The following LSAMP variants were observed in gnomAD, a reference collection of about 807,000 sequenced individuals.
LSAMP encodes the protein limbic system associated membrane protein, also known as limbic system-associated membrane protein.
In LSAMP, 7 loss-of-function variants were observed where a neutral mutation model predicts 38.6. The ratio of observed to expected loss-of-function variants is 0.18; its 90% CI spans 0.10 to 0.34. The LOEUF is 0.34. Ranked by LOEUF, LSAMP falls within the 10% of genes least tolerant of loss-of-function variation. The probability of loss-of-function intolerance (pLI) is 1.00; values close to 1 mark genes in which losing one functional copy is unlikely to be tolerated. For missense variants in LSAMP, 313 were observed against 420.0 expected (o/e 0.75, Z 2.23); for synonymous variants, 154 against 166.8 (o/e 0.92, Z 0.59).
At chr3:116,079,114 A>G (rs991476163) in intron 2 of LSAMP, among the ~76,000 whole-genome samples, 2 of 152,212 alleles carry the variant, frequency 1.3e-5, no homozygotes, top group African/African-American at 2.4e-5. Flanking sequence ...CCACATTTAT[A>G]CTATCTTCTC....
At chr3:115,867,972 GC>G (rs1477769386) in intron 3 of LSAMP, among the ~76,000 whole-genome samples, 1 of 152,110 alleles carries the variant, frequency 6.6e-6, no homozygotes, top group African/African-American at 2.4e-5. Context: ...ACAGTGATAA[GC>G]TTTTGTCCTC....
chr3:116,161,272 CAG>C (rs1416855963), intron 1 of LSAMP, among the ~76,000 whole-genome samples: 1 of 152,120 alleles, frequency 6.6e-6, no homozygotes, highest in African/African-American at 2.4e-5. Context: ...ACACTTTCTG[CAG>C]AGTGTTTCCA....
At position 116,352,678 on chromosome 3, in the gene LSAMP, G is replaced by C. The variant is rs191253582; in HGVS notation, c.155+92199C>G. On this transcript the variant is annotated intron_variant, in intron 1 of 6. Transcript: ENST00000490035. The stretch of plus-strand genomic sequence containing the variant: ...CATTCAAATAACTGAAAGTTATCTC[G>C]TTAATCTTAAAAAACATGCTTTTGT... Among the ~76,000 whole-genome samples the C allele has an allele frequency of 2.6e-5, 4 of 152,136 alleles. No homozygotes were observed. In the East Asian group the frequency reaches 5.8e-4, roughly 22 times the overall value.
chr3:115,928,023 G>T (rs1042826256), intron 3 of LSAMP, among the ~76,000 whole-genome samples: 1 of 152,198 alleles, frequency 6.6e-6, no homozygotes, highest in African/African-American at 2.4e-5. Flanking sequence ...TATGAGGGCA[G>T]TGAAAAATTT....
At chr3:116,115,839 T>G (rs1708730174) in intron 1 of LSAMP, among the ~76,000 whole-genome samples, 1 of 152,010 alleles carries the variant, frequency 6.6e-6, no homozygotes, top group African/African-American at 2.4e-5. Context: ...TGTTGTTGTT[T>G]TTTGTTTCTT....
intron 1 of LSAMP, among the ~76,000 whole-genome samples, chr3:116,194,812 A>T (rs1372980078): frequency 1.3e-5 from 2 of 152,242 alleles, no homozygotes; most frequent in Admixed American, 1.3e-4. Flanking sequence ...GCTTATTAAG[A>T]TGATCAGAGA....
At chr3:116,430,657 C>G (rs1019047073) in intron 1 of LSAMP, among the ~76,000 whole-genome samples, 10 of 151,870 alleles carry the variant, frequency 6.6e-5, no homozygotes, top group Non-Finnish European at 1.3e-4. Context: ...TTATAATGAA[C>G]TTCTTAGGTG....
intron 3 of LSAMP, among the ~76,000 whole-genome samples, chr3:115,983,462 A>G (rs1301796658): frequency 6.6e-6 from 1 of 152,164 alleles, no homozygotes; most frequent in Admixed American, 6.5e-5. Context: ...TCCAGGCTGC[A>G]GCAAGCCATG....
intron 3 of LSAMP, among the ~76,000 whole-genome samples, chr3:115,855,496 C>G (rs568908648): frequency 6.6e-6 from 1 of 152,296 alleles, no homozygotes; most frequent in East Asian, 1.9e-4. Flanking sequence ...GCAGAGACAT[C>G]ATTTTTGCTT....
At chr3:116,299,165 G>C (rs1161327137) in intron 1 of LSAMP, among the ~76,000 whole-genome samples, 2 of 152,084 alleles carry the variant, frequency 1.3e-5, no homozygotes, top group African/African-American at 4.8e-5. Flanking sequence ...CCACCCACAA[G>C]ACCTTGAACT....
At chr3:116,397,085 G>A (rs2048778304) in intron 1 of LSAMP, among the ~76,000 whole-genome samples, 1 of 152,074 alleles carries the variant, frequency 6.6e-6, no homozygotes, top group African/African-American at 2.4e-5. Flanking sequence ...TTAAGTCATC[G>A]TGTCACTCCT....
At chr3:116,015,643 G>GTTT (rs1166705494) in intron 3 of LSAMP, among the ~76,000 whole-genome samples, 1 of 152,026 alleles carries the variant, frequency 6.6e-6, no homozygotes, top group African/African-American at 2.4e-5. Flanking sequence ...TAATTCAGGT[G>GTTT]TTTTTTATTT....
chr3:116,133,061 A>T (rs1451718195), intron 1 of LSAMP, among the ~76,000 whole-genome samples: 1 of 152,206 alleles, frequency 6.6e-6, no homozygotes, highest in Non-Finnish European at 1.5e-5. Flanking sequence ...CTGTGTTTGA[A>T]GGAAACAGAC....
intron 1 of LSAMP, among the ~76,000 whole-genome samples, chr3:116,245,831 T>C (rs558089603): frequency 1.3e-5 from 2 of 152,090 alleles, no homozygotes; most frequent in South Asian, 2.1e-4. Context: ...AAAAGAAAAA[T>C]GGGATGTACT....
chr3:116,257,740 C>A lies in LSAMP; in HGVS notation c.156-171184G>T, dbSNP rs150740423. Among the ~76,000 whole-genome samples, 5 of 152,142 alleles carry A rather than the reference C, an allele frequency of 3.3e-5. No homozygotes were observed. The East Asian group carries it at 9.7e-4, about 29-fold the overall frequency. On this transcript the variant is annotated intron_variant, in intron 1 of 6. Transcript: ENST00000490035. ...ACGGAAATTTCTAGTCTTGTTTATT[C>A]CTGTAACCTCATTACACCTACAGAG...
At chr3:115,813,224 G>A (rs144293573) in intron 6 of LSAMP, among the ~76,000 whole-genome samples, 51 of 152,046 alleles carry the variant, frequency 3.4e-4, no homozygotes, top group Admixed American at 1.5e-3. Flanking sequence ...GATGAACCAC[G>A]TATACAAAGG....
At chr3:116,357,148 C>A (rs1309979737) in intron 1 of LSAMP, among the ~76,000 whole-genome samples, 1 of 152,202 alleles carries the variant, frequency 6.6e-6, no homozygotes. Flanking sequence ...CCTTATTTTA[C>A]CTTATAGCAA....
chr3:116,006,781 G>A (rs1197803584), intron 3 of LSAMP, among the ~76,000 whole-genome samples: 3 of 152,174 alleles, frequency 2.0e-5, no homozygotes, highest in Non-Finnish European at 4.4e-5. Context: ...CTTTTGTTCC[G>A]AGGTGAAATT....
At chr3:115,958,136 A>G (rs1323137374) in intron 3 of LSAMP, among the ~76,000 whole-genome samples, 1 of 152,152 alleles carries the variant, frequency 6.6e-6, no homozygotes, top group Non-Finnish European at 1.5e-5. Context: ...TCATTTTAGG[A>G]AGGACTTGAG....
Sources: gnomAD v4.1 joint callset for allele counts (sites outside exome capture counted in the v4.1 genomes callset) on GRCh38, gnomAD v4.1.1 for gene constraint, MANE v1.5 for transcripts, NCBI Gene and HGNC (gene_info 2026-07-23, HGNC 2026-07-21) for gene names.